LANCL1: variants seen among roughly 807,000 people sequenced by gnomAD.
LANCL1 encodes the protein LanC like glutathione S-transferase 1.
LANCL1 carries 50 observed loss-of-function variants against 50.6 expected under a neutral mutation model. The ratio of observed to expected loss-of-function variants is 0.99; its 90% CI spans 0.79 to 1.25. The LOEUF is 1.25. LANCL1 is among the 50% of genes most tolerant of loss of function. LANCL1 has a pLI of 0.00. For missense variants in LANCL1, 532 were observed against 480.7 expected (o/e 1.11, Z -1.00); for synonymous variants, 188 against 178.6 (o/e 1.05, Z -0.42).
intron 6 of LANCL1, among the ~76,000 whole-genome samples, chr2:210,439,108 G>A (rs1465181532): frequency 2.0e-5 from 3 of 152,100 alleles, no homozygotes; most frequent in Non-Finnish European, 4.4e-5. Flanking sequence ...TAGAATGAGT[G>A]GACTCTCCTC....
intron 2 of LANCL1, among the ~76,000 whole-genome samples, chr2:210,475,196 T>A (rs775391571): frequency 6.6e-6 from 1 of 152,222 alleles, no homozygotes; most frequent in Non-Finnish European, 1.5e-5. Context: ...CAGATTAATT[T>A]GACAGGGATG....
intron 3 of LANCL1, chr2:210,471,745 T>A: frequency 2.7e-6 from 2 of 742,144 alleles, no homozygotes; most frequent in Non-Finnish European, 5.0e-6. Context: ...ATTACATGAA[T>A]ATGCTTACCA....
chr2:210,456,457 A>G (rs1040475026), intron 3 of LANCL1, among the ~76,000 whole-genome samples: 24 of 152,204 alleles, frequency 1.6e-4, no homozygotes, highest in African/African-American at 5.5e-4. Flanking sequence ...ATTTCCTGCC[A>G]AAGTTAATAA....
At chr2:210,460,416 C>T (rs1559717502) in intron 3 of LANCL1, 1 of 152,170 alleles carries the variant, frequency 6.6e-6, no homozygotes, top group South Asian at 2.1e-4. Flanking sequence ...AGTTCAAATA[C>T]ATTTTTCCCT....
chr2:210,477,027 A>G (rs2105935393), upstream of LANCL1, among the ~76,000 whole-genome samples: 1 of 152,184 alleles, frequency 6.6e-6, no homozygotes, highest in East Asian at 1.9e-4. Flanking sequence ...CCTGGAGAAG[A>G]AACAGACTGC....
chr2:210,446,892 A>T (rs1262633751), intron 4 of LANCL1, among the ~76,000 whole-genome samples: 1 of 152,222 alleles, frequency 6.6e-6, no homozygotes, highest in Admixed American at 6.5e-5. Context: ...CCTGAAAGCG[A>T]CGGGGAGAAT....
At chr2:210,445,390 G>A (rs1405171939) in intron 4 of LANCL1, among the ~76,000 whole-genome samples, 1 of 152,100 alleles carries the variant, frequency 6.6e-6, no homozygotes, top group Non-Finnish European at 1.5e-5. Flanking sequence ...AAAGTAGGTA[G>A]CAAATACCTT....
chr2:210,446,308 A>C (rs1048431243), intron 4 of LANCL1, among the ~76,000 whole-genome samples: 1 of 152,030 alleles, frequency 6.6e-6, no homozygotes, highest in Non-Finnish European at 1.5e-5. Context: ...ACTGGTGATC[A>C]ATATCAACAA....
intron 9 of LANCL1, among the ~76,000 whole-genome samples, chr2:210,435,068 T>C (rs568193719): frequency 6.6e-6 from 1 of 152,014 alleles, no homozygotes; most frequent in South Asian, 2.1e-4. Flanking sequence ...AAACATAAGC[T>C]CCTGAGCCTC....
At chr2:210,466,687 C>T (rs1267645429) in intron 3 of LANCL1, among the ~76,000 whole-genome samples, 2 of 152,164 alleles carry the variant, frequency 1.3e-5, no homozygotes, top group African/African-American at 4.8e-5. Flanking sequence ...TCTGCCTCCT[C>T]CTTTGATTTT....
chr2:210,453,351 G>C (rs530483596), intron 4 of LANCL1, among the ~76,000 whole-genome samples: 10 of 152,270 alleles, frequency 6.6e-5, no homozygotes, highest in Non-Finnish European at 1.3e-4. Flanking sequence ...ATTTCATGAA[G>C]AAGAGGGTTG....
intron 7 of LANCL1, 32 bp from the exon 8 acceptor site, chr2:210,436,424 G>T: frequency 6.3e-7 from 1 of 1,595,678 alleles, no homozygotes; most frequent in South Asian, 1.1e-5. Flanking sequence ...TTTATTATAC[G>T]GGATATAAAA....
At chr2:210,434,709 C>G in intron 9 of LANCL1, 146 bp from the exon 10 acceptor site, 2 of 639,764 alleles carry the variant, frequency 3.1e-6, no homozygotes, top group Non-Finnish European at 5.4e-6. Flanking sequence ...AGGGTGCCCA[C>G]CAGTGATGGC....
chr2:210,440,361 C>A (rs528674597), intron 6 of LANCL1, among the ~76,000 whole-genome samples: 1 of 152,186 alleles, frequency 6.6e-6, no homozygotes, highest in African/African-American at 2.4e-5. Context: ...TGGGCAAGCA[C>A]GATCACCTGC....
Position 210,440,758 on chromosome 2 carries a change from A to G in LANCL1, c.544-14T>C, listed in dbSNP as rs756995112. ...TGTTTCACAAATCTACAGGGAGAAA[A>G]CCAACCAAAATAACAAGTTAACTGA... On this transcript the variant is annotated splice_polypyrimidine_tract_variant and intron_variant, in intron 5 of 9. Transcript: ENST00000450366. 5 of 1,605,152 alleles carry G rather than the reference A, an allele frequency of 3.1e-6. No homozygotes were observed. Among genetic ancestry groups the G allele is most frequent in the African/African-American group, 1.3e-5 (1 of 74,350 alleles).
chr2:210,450,872 A>G (rs1693491315), intron 4 of LANCL1, among the ~76,000 whole-genome samples: 1 of 152,246 alleles, frequency 6.6e-6, no homozygotes, highest in South Asian at 2.1e-4. Context: ...ATGCTTTTAC[A>G]CTGTTGGTGG....
rs1180410229 is a variant in LANCL1, at chr2:210,432,838, TGA to T, written c.*1647_*1648del. 1.3e-5 allele frequency: 2 copies of T among 152,232 alleles called. No homozygotes were observed. Among genetic ancestry groups the T allele is most frequent in the African/African-American group, 4.8e-5 (2 of 41,460 alleles). The allele number at this position is 152,232 out of a possible 1,614,324, so 9.4% of individuals were successfully genotyped here. A position where few individuals can be genotyped will look rare whatever the true frequency, so the allele number is the denominator to read the frequency against. ...GCTTACCAGCAGCACTTCAGCAATC[TGA>T]GAGGCACAAGGTAGTGCCAACTTAC... On this transcript the variant is annotated 3_prime_UTR_variant, in exon 10 of 10. Coordinates refer to ENST00000450366, the MANE Select transcript of LANCL1 (RefSeq NM_006055.3).
Position 210,435,407 on chromosome 2 carries a change from G to T in LANCL1, c.1103C>A (p.Thr368Asn), listed in dbSNP as rs746741084. The change falls in exon 9 of 10, where the codon ACC becomes AAC. Residue 368 changes from threonine to asparagine, a missense_variant. Coordinates refer to ENST00000450366, the MANE Select transcript of LANCL1 (RefSeq NM_006055.3). ...AATACCTTCAAAGAGAGAGAAAGGG[G>T]TGTCTGGTGTTCTGCATCCATGTTC... is the stretch of plus-strand genomic sequence containing the variant. ...YGEHGCRTPD[T>N]PFSLFEGMAG... 1.2e-6 allele frequency: 2 copies of T among 1,612,804 alleles called. No homozygotes were observed. The highest frequency in any genetic ancestry group is 1.1e-5 in the South Asian group (1 of 91,044).
In LANCL1 at chr2:210,472,005, C is replaced by A. The variant is rs543442259; in HGVS notation, c.153G>T (p.Leu51=). The A allele has an allele frequency of 1.8e-5, 29 of 1,614,054 alleles. No homozygotes were observed. Among genetic ancestry groups the A allele is most frequent in the Non-Finnish European group, 2.3e-5 (27 of 1,180,020 alleles). The change falls in exon 3 of 10, where the codon CTG becomes CTT. Residue 51 remains leucine, a synonymous_variant. Coordinates refer to ENST00000450366, the MANE Select transcript of LANCL1 (RefSeq NM_006055.3). ...TGCCATCCCGAGGGTCTGCTGATTTCAGGCCTCTCTCCATTTGCTGAAGAA... is the reference window on the plus strand; with the variant it reads ...TGCCATCCCGAGGGTCTGCTGATTTAAGGCCTCTCTCCATTTGCTGAAGAA... ...RELLQQMERG[L]KSADPRDGTG...
Sources: gnomAD v4.1 joint callset for allele counts (sites outside exome capture counted in the v4.1 genomes callset) on GRCh38, gnomAD v4.1.1 for gene constraint, MANE v1.5 for transcripts, NCBI Gene and HGNC (gene_info 2026-07-23, HGNC 2026-07-21) for gene names.